Variants in EXOC1 observed in about 807,000 individuals in gnomAD.
The protein encoded by EXOC1 is SEC3-like 1.
EXOC1 carries 67 observed loss-of-function variants against 107.7 expected under a neutral mutation model. That is an observed-to-expected ratio of 0.62 (90% CI 0.51 to 0.76). The LOEUF (loss-of-function observed/expected upper bound fraction) is 0.76. EXOC1 is among the 30% of genes least tolerant of loss of function. The pLI is 0.00. For synonymous variants in EXOC1, 348 were observed against 353.5 expected (o/e 0.98, Z 0.17); for missense variants, 833 against 1,055.7 (o/e 0.79, Z 2.92).
chr4:55,866,703 C>T (rs1331464160), intron 4 of EXOC1, among the ~76,000 whole-genome samples: 2 of 152,106 alleles, frequency 1.3e-5, no homozygotes, highest in Non-Finnish European at 2.9e-5. Context: ...AATTTAGCTT[C>T]TTATGGATCT....
At chr4:55,867,187 A>G (rs1222163300) in intron 4 of EXOC1, among the ~76,000 whole-genome samples, 1 of 152,196 alleles carries the variant, frequency 6.6e-6, no homozygotes, top group East Asian at 1.9e-4. Flanking sequence ...ATAAGCTGTC[A>G]CACATGACAG....
chr4:55,864,846 T>C (rs1721810300), intron 4 of EXOC1, among the ~76,000 whole-genome samples: 1 of 152,226 alleles, frequency 6.6e-6, no homozygotes, highest in Admixed American at 6.5e-5. Flanking sequence ...TTGCTTCTTT[T>C]AAACAGCTCT....
intron 4 of EXOC1, 96 bp from the exon 5 acceptor site, chr4:55,868,240 G>A (rs1722128424): frequency 2.2e-6 from 2 of 927,584 alleles, no homozygotes; most frequent in African/African-American, 3.4e-5. Flanking sequence ...GCTGCTAAAT[G>A]TGACCTGTGC....
chr4:55,871,071 A>C, intron 6 of EXOC1, 30 bp from the exon 7 acceptor site: 1 of 1,603,160 alleles, frequency 6.2e-7, no homozygotes, highest in Non-Finnish European at 8.5e-7. Flanking sequence ...AAAATTACAC[A>C]TGCAAATGGT....
chr4:55,898,773 AATATAGATAAACATAATCATTTTTAATG>A (rs1316008288), intron 16 of EXOC1, among the ~76,000 whole-genome samples: 4 of 152,194 alleles, frequency 2.6e-5, no homozygotes, highest in African/African-American at 9.6e-5. Context: ...TTAGTTAGTT[AATATAGATAAACATAATCATTTTTAATG>A]ATTGCATAGT....
At chr4:55,872,884 C>A in intron 8 of EXOC1, 2 of 489,318 alleles carry the variant, frequency 4.1e-6, no homozygotes, top group Non-Finnish European at 5.3e-6. Context: ...AACTTAACAG[C>A]AGCCGAATCT....
intron 10 of EXOC1, 198 bp from the exon 11 acceptor site, chr4:55,888,689 AG>A: frequency 1.8e-6 from 1 of 547,568 alleles, no homozygotes; most frequent in Non-Finnish European, 3.3e-6. Context: ...TTAAAAGTAA[AG>A]TTTTTTCTCT....
intron 13 of EXOC1, 139 bp from the exon 14 acceptor site, chr4:55,892,496 A>G (rs931283386): frequency 9.2e-5 from 61 of 665,418 alleles, no homozygotes; most frequent in Middle Eastern, 2.8e-4. Flanking sequence ...AGCTAGCTTT[A>G]TCATAATGCT....
intron 5 of EXOC1, 102 bp from the exon 6 acceptor site, chr4:55,870,575 AT>A (rs1722331193): frequency 1.2e-5 from 13 of 1,116,706 alleles, no homozygotes; most frequent in Non-Finnish European, 1.7e-5. Flanking sequence ...TTTCAAGGAA[AT>A]TTAGCAACAT....
chr4:55,888,073 T>C (rs1022627640), intron 10 of EXOC1, among the ~76,000 whole-genome samples: 4 of 152,242 alleles, frequency 2.6e-5, no homozygotes, highest in Non-Finnish European at 5.9e-5. Flanking sequence ...TTTAACATTC[T>C]GTTTCATCCT....
chr4:55,873,295 G>C (rs908094225), intron 8 of EXOC1, among the ~76,000 whole-genome samples: 2 of 152,026 alleles, frequency 1.3e-5, no homozygotes, highest in Non-Finnish European at 2.9e-5. Flanking sequence ...AGCACGGTAG[G>C]GGGGAATCAG....
intron 10 of EXOC1, among the ~76,000 whole-genome samples, chr4:55,886,486 A>T (rs1316118150): frequency 6.6e-6 from 1 of 151,688 alleles, no homozygotes; most frequent in African/African-American, 2.4e-5. Flanking sequence ...CTGAGAGGTC[A>T]AGGCTGCAGT....
chr4:55,890,387 G>A lies in EXOC1; in HGVS notation c.1539+1G>A. On this transcript the variant is annotated splice_donor_variant, in intron 12 of 18. Transcript: ENST00000381295. LOFTEE classifies it high-confidence loss of function. ...TGCTGACAGGACCAAATTTGATAAG[G>A]TAAACTAAAATAACAAGTACTTCTT... 1 of 1,613,170 alleles carries A rather than the reference G, an allele frequency of 6.2e-7. No homozygotes were observed. Among genetic ancestry groups the A allele is most frequent in the Non-Finnish European group, 8.5e-7 (1 of 1,179,536 alleles).
chr4:55,868,533 T>C lies in EXOC1; in HGVS notation c.603+10T>C, dbSNP rs755875746. ...GCAGGTGCTAGATGGGGTAAGACTT[T>C]CCTGAATTCTATGAATAAGTGATGT... On this transcript the variant is annotated intron_variant, in intron 5 of 18. Transcript: ENST00000381295. The C allele has an allele frequency of 1.7e-5, 27 of 1,610,682 alleles. No individual in the cohort carries two copies. Among genetic ancestry groups the C allele is most frequent in the East Asian group, 6.7e-5 (3 of 44,830 alleles).
rs778199203 is a variant in EXOC1 at position 55,870,791 on chromosome 4, G to C, written c.717G>C (p.Glu239Asp). 1.9e-6 allele frequency: 3 copies of C among 1,613,642 alleles called. No individual in the cohort carries two copies. In the African/African-American group the frequency reaches 4.0e-5, roughly 22 times the overall value. Residue 239 changes from glutamate to aspartate, a missense_variant, in exon 6 of 19, where the codon GAG (glutamate) becomes GAC (aspartate). Glu to Asp is a conservative substitution (Grantham distance 45). This residue lies in a region of EXOC1 where 617 missense variants were observed against 701.3 expected (regional missense o/e 0.88). Coordinates refer to ENST00000381295, the MANE Select transcript of EXOC1 (RefSeq NM_001024924.2). ...DQIELKLSSY[E>D]EMLQSVKEQM... ...TTGAATTGAAACTGAGCAGTTATGA[G>C]GAAATGCTCCAAAGTGTAAAAGAAC... is the stretch of plus-strand genomic sequence containing the variant.
intron 8 of EXOC1, chr4:55,872,932 A>C (rs1296544751): frequency 4.0e-6 from 1 of 248,914 alleles, no homozygotes; most frequent in Non-Finnish European, 6.4e-6. Flanking sequence ...CTACCTGTTA[A>C]CCACATTCGT....
intron 13 of EXOC1, 65 bp downstream of exon 13, chr4:55,891,487 G>A: frequency 1.9e-6 from 2 of 1,069,816 alleles, no homozygotes; most frequent in Non-Finnish European, 2.8e-6. Context: ...TAATTAATAT[G>A]TGGTCACAAT....
At chr4:55,858,494 T>A in intron 2 of EXOC1, 47 bp downstream of exon 2, 1 of 1,498,200 alleles carries the variant, frequency 6.7e-7, no homozygotes, top group Non-Finnish European at 8.9e-7. Flanking sequence ...CCTTTTATTA[T>A]TTAGAAGATA....
chr4:55,903,146 T>TA (rs1560369832), intron 18 of EXOC1, among the ~76,000 whole-genome samples: 10 of 89,006 alleles, frequency 1.1e-4, no homozygotes, highest in African/African-American at 4.0e-4. Context: ...CGTGTCTCAA[T>TA]TAAAAAAAAA....
Sources: allele counts gnomAD v4.1 joint callset (sites outside exome capture counted in the v4.1 genomes callset), GRCh38; gene constraint gnomAD v4.1.1; regional missense constraint gnomAD v4.1.1; transcripts MANE v1.5; gene names NCBI Gene and HGNC (gene_info 2026-07-23, HGNC 2026-07-21).